MAP2: variants seen among roughly 807,000 people sequenced by gnomAD.
MAP2 encodes the protein microtubule associated protein 2, also known as microtubule-associated protein 2.
MAP2 carries 14 observed loss-of-function variants against 137.6 expected under a neutral mutation model. That is an observed-to-expected ratio of 0.10 (90% CI 0.07 to 0.16). The LOEUF (loss-of-function observed/expected upper bound fraction) is 0.16. MAP2 is among the 10% of genes least tolerant of loss of function. MAP2 has a pLI of 1.00. For synonymous variants in MAP2, 786 were observed against 782.3 expected (o/e 1.00, Z -0.08); for missense variants, 2,088 against 2,191.5 (o/e 0.95, Z 0.94).
chr2:209,533,014 G>A (rs1321871446), intron 2 of MAP2, among the ~76,000 whole-genome samples: 1 of 152,080 alleles, frequency 6.6e-6, no homozygotes, highest in East Asian at 1.9e-4. Context: ...GGTCCGCACT[G>A]CATTTCCCCT....
intron 2 of MAP2, among the ~76,000 whole-genome samples, chr2:209,552,220 C>A (rs2069334468): frequency 6.6e-6 from 1 of 151,964 alleles, no homozygotes; most frequent in Non-Finnish European, 1.5e-5. Context: ...AAGACTTAGC[C>A]TTTTAAACTT....
At position 209,598,868 on chromosome 2, in the gene MAP2, T is replaced by C. The variant is rs1338322641; in HGVS notation, c.-107+18768T>C. The stretch of plus-strand genomic sequence containing the variant: ...ATCATTGGTGGACATTTGGGTTGGT[T>C]CCAAGTCTTTGCTATTGTGAATAAT... On this transcript the variant is annotated intron_variant, in intron 3 of 15. Coordinates refer to ENST00000682079, the MANE Select transcript of MAP2 (RefSeq NM_001375505.1). 2.3e-3 allele frequency among the ~76,000 whole-genome samples: 343 copies of C among 151,064 alleles called. 7 individuals are homozygous for C. The highest frequency in any genetic ancestry group is 7.1e-4 in the Non-Finnish European group (48 of 67,762).
chr2:209,725,546 T>C (rs1017501749), intron 13 of MAP2, among the ~76,000 whole-genome samples, 163 bp from the exon 14 acceptor site: 1 of 152,332 alleles, frequency 6.6e-6, no homozygotes, highest in African/African-American at 2.4e-5. Flanking sequence ...GGAGAATATA[T>C]GGAAAATTAT....
At chr2:209,506,036 C>T (rs149207561) in intron 1 of MAP2, among the ~76,000 whole-genome samples, 1 of 151,536 alleles carries the variant, frequency 6.6e-6, no homozygotes, top group African/African-American at 2.4e-5. Flanking sequence ...ACAGTGGTGC[C>T]CTGGACCACC....
At chr2:209,588,490 T>A (rs930662860) in intron 3 of MAP2, among the ~76,000 whole-genome samples, 2 of 152,190 alleles carry the variant, frequency 1.3e-5, no homozygotes, top group African/African-American at 4.8e-5. Flanking sequence ...ATACTCCATT[T>A]AATGCATTAT....
chr2:209,582,024 C>A (rs1001010869), intron 3 of MAP2, among the ~76,000 whole-genome samples: 1 of 151,976 alleles, frequency 6.6e-6, no homozygotes, highest in Non-Finnish European at 1.5e-5. Context: ...TTTTTCTAGT[C>A]AATATTGTGG....
intron 1 of MAP2, among the ~76,000 whole-genome samples, chr2:209,433,033 C>G (rs1240091242): frequency 1.3e-5 from 2 of 151,954 alleles, no homozygotes; most frequent in Non-Finnish European, 2.9e-5. Flanking sequence ...AGATCATAGC[C>G]CATGGTTCAT....
chr2:209,429,605 A>G (rs1479879815), intron 1 of MAP2, among the ~76,000 whole-genome samples: 1 of 152,166 alleles, frequency 6.6e-6, no homozygotes, highest in Non-Finnish European at 1.5e-5. Context: ...CTACCTCAAA[A>G]ATGACCATAA....
chr2:209,561,267 G>C (rs987692011), intron 2 of MAP2, among the ~76,000 whole-genome samples: 5 of 152,230 alleles, frequency 3.3e-5, no homozygotes, highest in African/African-American at 1.2e-4. Context: ...ATGCCTGTGT[G>C]TGTGTTGGCA....
chr2:209,528,862 GTGTGTGTA>G (rs1559282134), intron 2 of MAP2, among the ~76,000 whole-genome samples: 1 of 145,740 alleles, frequency 6.9e-6, no homozygotes, highest in African/African-American at 2.5e-5. Context: ...GTGTGTATAT[GTGTGTGTA>G]TATGTATATA....
chr2:209,456,249 C>A (rs1445317399), intron 1 of MAP2, among the ~76,000 whole-genome samples: 2 of 152,134 alleles, frequency 1.3e-5, no homozygotes, highest in African/African-American at 4.8e-5. Flanking sequence ...ATTATAATCT[C>A]AAACCAAGAA....
chr2:209,692,722 G>C lies in MAP2; in HGVS notation c.552G>C (p.Lys184Asn), dbSNP rs1009033255. 1.9e-6 allele frequency: 3 copies of C among 1,613,910 alleles called. No homozygotes were observed. The highest frequency in any genetic ancestry group is 2.7e-5 in the African/African-American group (2 of 74,926). Residue 184 changes from lysine to asparagine, a missense_variant, in exon 8 of 16, where the codon AAG becomes AAC. Coordinates refer to ENST00000682079, the MANE Select transcript of MAP2 (RefSeq NM_001375505.1). ...PSDQKEKESE[K>N]QSKPGEDLKH... ...ACCAGAAGGAAAAGGAGTCAGAGAA[G>C]CAAAGTAAGCCTGGTGAAGACCTTA...
chr2:209,436,024 A>ATATATACAGTATATATTAGATAT (rs1187754273), intron 1 of MAP2, among the ~76,000 whole-genome samples: 1 of 123,086 alleles, frequency 8.1e-6, no homozygotes, highest in Non-Finnish European at 1.8e-5. Context: ...ATTATATATA[A>ATATATACAGTATATATTAGATAT]AATATATATA....
At chr2:209,497,372 A>G (rs2059876483) in intron 1 of MAP2, among the ~76,000 whole-genome samples, 1 of 152,194 alleles carries the variant, frequency 6.6e-6, no homozygotes, top group Non-Finnish European at 1.5e-5. Flanking sequence ...AGCCAGGAAT[A>G]TAGCCCTCGC....
intron 4 of MAP2, among the ~76,000 whole-genome samples, chr2:209,644,769 G>A (rs2094306550): frequency 6.6e-6 from 1 of 151,584 alleles, no homozygotes; most frequent in Non-Finnish European, 1.5e-5. Flanking sequence ...GTTTGGTTAT[G>A]CACACCATAC....
intron 13 of MAP2, among the ~76,000 whole-genome samples, chr2:209,722,730 C>T (rs2071740639): frequency 6.6e-6 from 1 of 152,144 alleles, no homozygotes; most frequent in South Asian, 2.1e-4. Flanking sequence ...GAGTAATGTC[C>T]TTCCAGATCT....
At chr2:209,709,658 C>A (rs1050314049) in intron 12 of MAP2, among the ~76,000 whole-genome samples, 4 of 151,664 alleles carry the variant, frequency 2.6e-5, no homozygotes, top group Non-Finnish European at 5.9e-5. Context: ...ATGAAAATTA[C>A]GGAGAACAAA....
intron 5 of MAP2, among the ~76,000 whole-genome samples, chr2:209,664,985 A>G (rs919175040): frequency 3.8e-4 from 55 of 145,932 alleles, no homozygotes; most frequent in East Asian, 5.8e-4. Flanking sequence ...AAAAAAAAAA[A>G]AAGAAGAAGA....
chr2:209,517,125 A>G (rs1342192057), intron 2 of MAP2, among the ~76,000 whole-genome samples: 2 of 152,140 alleles, frequency 1.3e-5, no homozygotes, highest in East Asian at 1.9e-4. Flanking sequence ...TCTATCAGGC[A>G]TCATCCTCCC....
Sources: allele counts gnomAD v4.1 joint callset (sites outside exome capture counted in the v4.1 genomes callset), GRCh38; gene constraint gnomAD v4.1.1; transcripts MANE v1.5; gene names NCBI Gene and HGNC (gene_info 2026-07-23, HGNC 2026-07-21).